The following PCDHA4 variants were observed in gnomAD, a reference collection of about 807,000 sequenced individuals.
PCDHA4 encodes protocadherin alpha-4.
Under a neutral mutation model 61.4 loss-of-function variants are expected in PCDHA4, and 49 were observed. The ratio of observed to expected loss-of-function variants is 0.80; its 90% CI spans 0.63 to 1.01. The LOEUF (loss-of-function observed/expected upper bound fraction) is 1.01. PCDHA4 is among the 50% of genes least tolerant of loss of function. The pLI is 0.00. For synonymous variants in PCDHA4, 590 were observed against 550.3 expected, an observed-to-expected ratio of 1.07 and a Z score of -1.01; for missense variants, 1,254 against 1,235.8, an observed-to-expected ratio of 1.01 and a Z score of -0.22.
intron 1 of PCDHA4, among the ~76,000 whole-genome samples, chr5:140,943,783 C>A (rs1388163068): frequency 1.3e-5 from 2 of 152,102 alleles, no homozygotes; most frequent in Non-Finnish European, 2.9e-5. Context: ...AGGAAGTGGT[C>A]CTTTATGCAA....
chr5:140,818,630 A>G (rs980118691), intron 1 of PCDHA4, among the ~76,000 whole-genome samples: 2 of 152,196 alleles, frequency 1.3e-5, no homozygotes, highest in Non-Finnish European at 2.9e-5. Flanking sequence ...TGAGCCCAGG[A>G]GTTCAAGATG....
intron 1 of PCDHA4, chr5:140,847,744 C>T (rs1554141887): frequency 6.7e-6 from 1 of 149,678 alleles, no homozygotes; most frequent in Non-Finnish European, 1.5e-5. Flanking sequence ...ATTTTCTCCC[C>T]ACGCAACACA....
At chr5:140,993,018 C>T (rs2097537347) in intron 3 of PCDHA4, among the ~76,000 whole-genome samples, 1 of 152,174 alleles carries the variant, frequency 6.6e-6, no homozygotes, top group African/African-American at 2.4e-5. Flanking sequence ...AGTCCAGCAT[C>T]CCCTGTGGGC....
intron 1 of PCDHA4, among the ~76,000 whole-genome samples, chr5:140,949,264 G>A (rs139292588): frequency 4.5e-4 from 69 of 151,784 alleles, no homozygotes; most frequent in Admixed American, 2.4e-3. Flanking sequence ...AACATATCAC[G>A]TGCACTTGAA....
chr5:140,833,751 A>AAC (rs2150210782), intron 1 of PCDHA4, among the ~76,000 whole-genome samples: 78,872 of 151,236 alleles, frequency 0.52, 20,702 homozygotes, highest in Middle Eastern at 0.64. Flanking sequence ...CTAAAAAGAA[A>AAC]ACACACACAC....
chr5:140,846,705 G>C (rs1780632800), intron 1 of PCDHA4, among the ~76,000 whole-genome samples: 1 of 149,364 alleles, frequency 6.7e-6, no homozygotes, highest in Admixed American at 6.7e-5. Context: ...AGAGAAGATT[G>C]TAATAACCAG....
intron 1 of PCDHA4, among the ~76,000 whole-genome samples, chr5:140,946,661 G>C (rs2094005923): frequency 7.6e-6 from 1 of 132,422 alleles, no homozygotes; most frequent in Non-Finnish European, 1.6e-5. Flanking sequence ...CCATTAGAAA[G>C]AATGAAATCC....
chr5:140,809,045 A>G lies in PCDHA4; in HGVS notation c.1858A>G (p.Ile620Val). 1 of 1,613,870 alleles carries G rather than the reference A, an allele frequency of 6.2e-7. No individual in the cohort carries two copies. The highest frequency in any genetic ancestry group is 8.5e-7 in the Non-Finnish European group (1 of 1,179,868). Residue 620 changes from isoleucine to valine, a missense_variant, in exon 1 of 4, where the codon ATC becomes GTC. Physicochemically the swap from Ile to Val is conservative, Grantham distance 29. Coordinates refer to ENST00000530339, the MANE Select transcript of PCDHA4 (RefSeq NM_018907.4). ...ELQPGTGGAR[I>V]PFRVGLYTGE... ...GCAGCCGGGGACTGGTGGCGCGCGC[A>G]TCCCGTTCCGCGTGGGGCTGTACAC...
chr5:140,935,852 CTT>C (rs1267620281), intron 1 of PCDHA4, among the ~76,000 whole-genome samples: 2 of 149,326 alleles, frequency 1.3e-5, no homozygotes, highest in African/African-American at 4.9e-5. Context: ...TTAATGGTGT[CTT>C]TTGATTAGCA....
Position 140,808,989 on chromosome 5 carries a change from C to A in PCDHA4, c.1802C>A (p.Ser601Ter), listed in dbSNP as rs1554124940. The A allele has an allele frequency of 2.5e-6, 4 of 1,613,702 alleles. No individual in the cohort carries two copies. The highest frequency in any genetic ancestry group is 1.7e-6 in the Non-Finnish European group (2 of 1,179,748). Reference protein sequence around the residue: ...VAKVRAVDADSGYNAWLSYEL... With the variant: ...VAKVRAVDAD The stretch of plus-strand genomic sequence containing the variant: ...AAGGTGCGCGCGGTGGATGCTGACT[C>A]GGGCTACAACGCGTGGCTTTCGTAC... Residue 601 changes from serine to a stop codon, truncating the protein, a stop_gained, in exon 1 of 4, where the codon TCG becomes TAG. Transcript: ENST00000530339. LOFTEE classifies it high-confidence loss of function.
At chr5:140,828,529 G>A in intron 1 of PCDHA4, 1 of 1,614,222 alleles carries the variant, frequency 6.2e-7, no homozygotes, top group Non-Finnish European at 8.5e-7. Flanking sequence ...ACGAATCTAG[G>A]CTGCCAGATT....
intron 1 of PCDHA4, among the ~76,000 whole-genome samples, chr5:140,957,377 G>A (rs1001680224): frequency 3.3e-5 from 5 of 152,074 alleles, no homozygotes; most frequent in Admixed American, 2.0e-4. Context: ...TTATTATAGT[G>A]TATTGTTATA....
chr5:140,876,118 G>T, intron 1 of PCDHA4: 1 of 1,613,926 alleles, frequency 6.2e-7, no homozygotes, highest in South Asian at 1.1e-5. Context: ...GATGGTAATC[G>T]ATGGCGGTAA....
intron 3 of PCDHA4, among the ~76,000 whole-genome samples, chr5:141,008,739 C>A (rs1554261919): frequency 1.3e-5 from 2 of 152,166 alleles, no homozygotes; most frequent in Non-Finnish European, 2.9e-5. Context: ...AGACTGTGAG[C>A]ACACTGAGGG....
At chr5:140,903,614 T>C (rs1583498055) in intron 1 of PCDHA4, among the ~76,000 whole-genome samples, 1 of 152,204 alleles carries the variant, frequency 6.6e-6, no homozygotes, top group Non-Finnish European at 1.5e-5. Flanking sequence ...TACACATGAA[T>C]GTGCATGCAT....
intron 1 of PCDHA4, chr5:140,823,671 A>G: frequency 1.2e-6 from 2 of 1,614,028 alleles, no homozygotes; most frequent in Non-Finnish European, 1.7e-6. Context: ...AGATCAGCAC[A>G]ACACGCTCTC....
chr5:140,808,677 G>A lies in PCDHA4; in HGVS notation c.1490G>A (p.Arg497Gln), dbSNP rs146494318. The A allele has an allele frequency of 8.7e-6, 14 of 1,612,530 alleles. No homozygotes were observed. In the African/African-American group the frequency reaches 1.9e-4, roughly 22 times the overall value. The change falls in exon 1 of 4, where the codon CGG (arginine) becomes CAG (glutamine). Residue 497 changes from arginine to glutamine, a missense_variant. Arg to Gln is a conservative substitution (Grantham distance 43). Transcript: ENST00000530339. Reference sequence around the variant, plus strand: ...CTGGTGTCCTACTCGCTGGTAGAGCGGCGGGTAGGGGAGCGCGCGCTGTCG... The same window carrying A: ...CTGGTGTCCTACTCGCTGGTAGAGCAGCGGGTAGGGGAGCGCGCGCTGTCG... ...NALVSYSLVE[R>Q]RVGERALSSY...
chr5:140,856,872 A>G (rs1554149238), intron 1 of PCDHA4: 1 of 1,596,142 alleles, frequency 6.3e-7, no homozygotes, highest in South Asian at 1.1e-5. Flanking sequence ...ATAAACAAGG[A>G]AATGATGTAT....
In PCDHA4 at chr5:140,982,522, G is replaced by A; in HGVS notation, c.2492G>A (p.Gly831Glu). Residue 831 changes from glycine to glutamate, a missense_variant, in exon 3 of 4, where the codon GGG (glycine) becomes GAG (glutamate). Coordinates refer to ENST00000530339, the MANE Select transcript of PCDHA4 (RefSeq NM_018907.4). ...GGCATTCTACGGGCTGGTCCAGGAG[G>A]GCCTGATCAGCAGTGGCCAACAGTA... ...EAGILRAGPG[G>E]PDQQWPTVSS... 2.5e-6 allele frequency: 4 copies of A among 1,614,182 alleles called. No homozygotes were observed. Among genetic ancestry groups the A allele is most frequent in the Non-Finnish European group, 3.4e-6 (4 of 1,180,032 alleles).
Sources: allele counts gnomAD v4.1 joint callset (sites outside exome capture counted in the v4.1 genomes callset), GRCh38; gene constraint gnomAD v4.1.1; transcripts MANE v1.5; gene names NCBI Gene and HGNC (gene_info 2026-07-23, HGNC 2026-07-21).